FTO: variants seen among roughly 807,000 people sequenced by gnomAD.
FTO encodes FTO alpha-ketoglutarate dependent dioxygenase.
A neutral mutation model predicts 63.9 loss-of-function variants in FTO; 47 were observed. The ratio of observed to expected loss-of-function variants is 0.74; its 90% confidence interval spans 0.58 to 0.94. FTO has a LOEUF of 0.94. FTO is among the 40% of genes least tolerant of loss of function. The pLI, the probability that FTO is intolerant of heterozygous loss-of-function variation, is 0.00. For missense variants in FTO, 562 were observed against 618.1 expected, an observed-to-expected ratio of 0.91 and a Z score of 0.96; for synonymous variants, 207 against 224.4, an observed-to-expected ratio of 0.92 and a Z score of 0.69.
At chr16:53,805,408 T>C (rs1373891390) in intron 1 of FTO, among the ~76,000 whole-genome samples, 1 of 151,862 alleles carries the variant, frequency 6.6e-6, no homozygotes, top group South Asian at 2.1e-4. Context: ...TAGTTTCTGA[T>C]ATCTAACTTT....
chr16:53,729,371 C>CA (rs1353511984), intron 1 of FTO, among the ~76,000 whole-genome samples: 1 of 151,764 alleles, frequency 6.6e-6, no homozygotes, highest in Non-Finnish European at 1.5e-5. Context: ...TATTAAAATA[C>CA]AAAAAATTAG....
rs902181313 is a variant in FTO at position 54,118,913 on chromosome 16, G to A, written c.*6998G>A. On this transcript the variant is annotated 3_prime_UTR_variant, in exon 9 of 9. Coordinates refer to ENST00000471389, the MANE Select transcript of FTO (RefSeq NM_001080432.3). ...CAAGGGAGAGAAATTATTATTATTC[G>A]TTTTGTGAAACCAATTTAGTTTGGC... 5.9e-5 allele frequency: 9 copies of A among 152,136 alleles called. No homozygotes were observed. Among genetic ancestry groups the A allele is most frequent in the Admixed American group, 2.0e-4 (3 of 15,266 alleles). The allele number at this position is 152,136 out of a possible 1,614,324, so 9.4% of individuals were successfully genotyped here. A position where few individuals can be genotyped will look rare whatever the true frequency, so the allele number is the denominator to read the frequency against.
intron 8 of FTO, among the ~76,000 whole-genome samples, chr16:54,007,816 T>C (rs530569468): frequency 3.0e-4 from 46 of 152,344 alleles, no homozygotes; most frequent in African/African-American, 8.7e-4. Flanking sequence ...ATCTCTCAAC[T>C]TGTAAAGGTG....
At chr16:53,985,433 A>G (rs2083643451) in intron 8 of FTO, among the ~76,000 whole-genome samples, 1 of 152,212 alleles carries the variant, frequency 6.6e-6, no homozygotes, top group African/African-American at 2.4e-5. Flanking sequence ...CAGCCAGGGA[A>G]TTGCCACAGT....
At chr16:53,908,960 G>T (rs889632755) in intron 7 of FTO, among the ~76,000 whole-genome samples, 3 of 152,086 alleles carry the variant, frequency 2.0e-5, no homozygotes, top group African/African-American at 7.2e-5. Flanking sequence ...GGAGAAATGT[G>T]GTAACCTTTG....
chr16:53,955,160 A>T (rs941723949), intron 8 of FTO, among the ~76,000 whole-genome samples: 8 of 152,188 alleles, frequency 5.3e-5, no homozygotes, highest in Non-Finnish European at 1.0e-4. Context: ...GTATCTGAGT[A>T]TCCAGTTGCA....
At chr16:53,860,011 C>T (rs954040509) in intron 4 of FTO, among the ~76,000 whole-genome samples, 1 of 152,142 alleles carries the variant, frequency 6.6e-6, no homozygotes, top group African/African-American at 2.4e-5. Flanking sequence ...GCATTATTCA[C>T]AAAAGCCATG....
intron 8 of FTO, among the ~76,000 whole-genome samples, chr16:54,075,816 T>A (rs2085979712): frequency 6.6e-6 from 1 of 152,236 alleles, no homozygotes; most frequent in Admixed American, 6.5e-5. Flanking sequence ...GTGAAATTAT[T>A]TCTTTAAGCA....
intron 8 of FTO, among the ~76,000 whole-genome samples, chr16:54,094,862 T>A (rs1199903803): frequency 1.3e-5 from 2 of 152,184 alleles, no homozygotes; most frequent in Non-Finnish European, 2.9e-5. Context: ...TCTAGAGGCT[T>A]TCTGCGGAGC....
chr16:53,968,206 A>G (rs1038201806), intron 8 of FTO, among the ~76,000 whole-genome samples: 5 of 152,198 alleles, frequency 3.3e-5, no homozygotes, highest in Non-Finnish European at 5.9e-5. Context: ...ATGTATAGAA[A>G]ATGTGCAGAC....
At chr16:53,730,819 A>T (rs1021094993) in intron 1 of FTO, among the ~76,000 whole-genome samples, 1 of 152,144 alleles carries the variant, frequency 6.6e-6, no homozygotes, top group African/African-American at 2.4e-5. Context: ...TTTAATGCCA[A>T]ACCACAGTAG....
At chr16:53,846,079 C>T (rs1368405336) in intron 4 of FTO, among the ~76,000 whole-genome samples, 2 of 151,892 alleles carry the variant, frequency 1.3e-5, no homozygotes, top group African/African-American at 4.9e-5. Context: ...AAGTGATCTT[C>T]CTAAAGTCAC....
rs2086969090 is a variant in FTO at position 54,115,603 on chromosome 16, G to A, written c.*3688G>A. 1 of 152,210 alleles carries A rather than the reference G, an allele frequency of 6.6e-6. No individual in the cohort carries two copies. The highest frequency in any genetic ancestry group is 6.6e-5 in the Admixed American group (1 of 15,266). The allele number at this position is 152,210 out of a possible 1,614,324, so 9.4% of individuals were successfully genotyped here. ...AAGGGGACGGCGGGCCCAGGCAGGA[G>A]AGCCTTGGGAGGGGGTGCCCAAGGA... On this transcript the variant is annotated 3_prime_UTR_variant, in exon 9 of 9. Transcript: ENST00000471389.
At chr16:53,792,398 C>A (rs1299825748) in intron 1 of FTO, among the ~76,000 whole-genome samples, 3 of 152,090 alleles carry the variant, frequency 2.0e-5, no homozygotes, top group African/African-American at 4.8e-5. Context: ...ACAGCCTGTG[C>A]TTTGGAAACA....
intron 1 of FTO, among the ~76,000 whole-genome samples, chr16:53,721,194 C>T (rs556355746): frequency 1.3e-5 from 2 of 152,228 alleles, no homozygotes; most frequent in Admixed American, 6.5e-5. Context: ...CTCGGGGTGA[C>T]CTAGACAGCT....
rs113741695 is a variant in FTO, at chr16:53,957,023, A to G, written c.1364+22914A>G. On this transcript the variant is annotated intron_variant, in intron 8 of 8. Transcript: ENST00000471389. ...TAAAATGTATTTCTATAATATGTAG[A>G]TGTTTGCTTCAGGGATCCTTTCCTT... 9.1e-3 allele frequency among the ~76,000 whole-genome samples: 1,384 copies of G among 152,242 alleles called. 35 individuals are homozygous for G. The highest frequency in any genetic ancestry group is 0.031 in the African/African-American group (1,307 of 41,534).
chr16:53,900,552 TA>T (rs536114504), intron 7 of FTO, among the ~76,000 whole-genome samples: 73 of 151,170 alleles, frequency 4.8e-4, no homozygotes, highest in Admixed American at 1.2e-3. Flanking sequence ...TATTTTAATA[TA>T]GTGACATCAG....
intron 1 of FTO, among the ~76,000 whole-genome samples, chr16:53,771,581 C>T (rs890805152): frequency 4.6e-5 from 7 of 152,018 alleles, no homozygotes; most frequent in African/African-American, 7.2e-5. Flanking sequence ...AAATGTTATA[C>T]GTAGAGTTAC....
chr16:53,982,269 A>G (rs1044205801), intron 8 of FTO, among the ~76,000 whole-genome samples: 29 of 152,170 alleles, frequency 1.9e-4, no homozygotes, highest in African/African-American at 6.3e-4. Flanking sequence ...AGGGCATGGT[A>G]TACCTCCAAT....
Sources: gnomAD v4.1 joint callset for allele counts (sites outside exome capture counted in the v4.1 genomes callset) on GRCh38, gnomAD v4.1.1 for gene constraint, MANE v1.5 for transcripts, NCBI Gene and HGNC (gene_info 2026-07-23, HGNC 2026-07-21) for gene names.